Variants in CPHXL observed in about 807,000 individuals in gnomAD.
CPHXL encodes the protein cytoplasmic polyadenylated homeobox like.
chr16:75,718,805 C>T (rs1959431480), intron 1 of CPHXL, among the ~76,000 whole-genome samples: 1 of 152,184 alleles, frequency 6.6e-6, no homozygotes, highest in Admixed American at 6.5e-5. Context: ...CACAGCCTAA[C>T]ATATTTACTA....
At chr16:75,724,632 C>A (rs533248749) in intron 1 of CPHXL, among the ~76,000 whole-genome samples, 2 of 152,292 alleles carry the variant, frequency 1.3e-5, no homozygotes, top group African/African-American at 4.8e-5. Flanking sequence ...ACAACAGGTG[C>A]TGGAGAGGAT....
intron 1 of CPHXL, among the ~76,000 whole-genome samples, chr16:75,725,309 G>A (rs1423457183): frequency 6.6e-6 from 1 of 151,782 alleles, no homozygotes; most frequent in Admixed American, 6.6e-5. Flanking sequence ...CTTTATTTTT[G>A]AGACAGTCTC....
intron 1 of CPHXL, among the ~76,000 whole-genome samples, chr16:75,720,282 G>C (rs889355430): frequency 6.6e-6 from 1 of 152,138 alleles, no homozygotes; most frequent in Non-Finnish European, 1.5e-5. Flanking sequence ...AGAGAAGAAG[G>C]CTTCAGACGA....
chr16:75,723,168 G>A (rs867358874), intron 1 of CPHXL, among the ~76,000 whole-genome samples: 1 of 152,148 alleles, frequency 6.6e-6, no homozygotes, highest in Admixed American at 6.5e-5. Flanking sequence ...AAAACTGGAA[G>A]CATTCCCTTT....
intron 1 of CPHXL, among the ~76,000 whole-genome samples, chr16:75,719,172 G>T (rs558538717): frequency 6.6e-6 from 1 of 152,216 alleles, no homozygotes; most frequent in Non-Finnish European, 1.5e-5. Flanking sequence ...AGCTCCCAGC[G>T]TGAGCAACAC....
At chr16:75,720,362 T>G (rs958638311) in intron 1 of CPHXL, among the ~76,000 whole-genome samples, 25 of 151,672 alleles carry the variant, frequency 1.6e-4, no homozygotes, top group African/African-American at 5.1e-4. Context: ...TGAAAAAAAA[T>G]TAGATGAATG....
chr16:75,715,970 T>G (rs1054937980), intron 2 of CPHXL, among the ~76,000 whole-genome samples: 1 of 152,196 alleles, frequency 6.6e-6, no homozygotes, highest in Non-Finnish European at 1.5e-5. Context: ...AGTGCTGGGA[T>G]TACAGGCATG....
At chr16:75,721,675 T>C (rs1597222100) in intron 1 of CPHXL, among the ~76,000 whole-genome samples, 1 of 152,286 alleles carries the variant, frequency 6.6e-6, no homozygotes, top group East Asian at 1.9e-4. Flanking sequence ...TATCCCACTG[T>C]CAACATTAGA....
intron 1 of CPHXL, among the ~76,000 whole-genome samples, chr16:75,722,017 CGAAAT>C (rs1959485022): frequency 6.6e-6 from 1 of 152,108 alleles, no homozygotes; most frequent in African/African-American, 2.4e-5. Context: ...GGGTACAAAA[CGAAAT>C]GAAGGCAGAA....
At chr16:75,720,444 TA>T (rs1328911538) in intron 1 of CPHXL, among the ~76,000 whole-genome samples, 12 of 152,064 alleles carry the variant, frequency 7.9e-5, no homozygotes, top group Non-Finnish European at 1.3e-4. Flanking sequence ...GCACGAGAAC[TA>T]CATGACGAAT....
intron 1 of CPHXL, among the ~76,000 whole-genome samples, chr16:75,726,038 A>C (rs1959554586): frequency 6.6e-6 from 1 of 151,202 alleles, no homozygotes; most frequent in Non-Finnish European, 1.5e-5. Context: ...AAAATTAATG[A>C]AAATTAATGA....
Position 75,714,809 on chromosome 16 carries a change from G to T in CPHXL, c.633C>A (p.Val211=). 1 of 398,606 alleles carries T rather than the reference G, an allele frequency of 2.5e-6. No homozygotes were observed. Among genetic ancestry groups the T allele is most frequent in the Non-Finnish European group, 4.4e-6 (1 of 226,100 alleles). 24.7% of individuals were successfully genotyped at this position (398,606 alleles called of 1,614,324 possible). The change falls in exon 3 of 3, where the codon GTC becomes GTA. Residue 211 remains valine (V), a synonymous_variant. Transcript: ENST00000640559. ...AGCCTGGATGCTTTTCAGTGCCTGT[G>T]ACCAGATAGGAACTCTGGGAGGCCA... ...QQVASQSSYL[V]TGTEKHPGCA...
chr16:75,715,499 C>G (rs1286623917), intron 2 of CPHXL, among the ~76,000 whole-genome samples: 1 of 152,174 alleles, frequency 6.6e-6, no homozygotes, highest in African/African-American at 2.4e-5. Context: ...TTCCCAGAAT[C>G]TCTCCCCAAC....
chr16:75,717,926 A>T (rs981172972), intron 2 of CPHXL, among the ~76,000 whole-genome samples: 1 of 152,106 alleles, frequency 6.6e-6, no homozygotes, highest in Non-Finnish European at 1.5e-5. Flanking sequence ...ATTGCCCTTT[A>T]ATTTTATATG....
intron 1 of CPHXL, among the ~76,000 whole-genome samples, chr16:75,720,364 A>G (rs1048486556): frequency 4.0e-4 from 61 of 152,294 alleles, no homozygotes; most frequent in South Asian, 1.2e-3. Flanking sequence ...AAAAAAAATT[A>G]GATGAATGGC....
At chr16:75,723,245 G>A (rs1375619910) in intron 1 of CPHXL, among the ~76,000 whole-genome samples, 2 of 152,152 alleles carry the variant, frequency 1.3e-5, no homozygotes, top group Non-Finnish European at 2.9e-5. Flanking sequence ...TGGAAGTTCT[G>A]GCCAGGGCAA....
chr16:75,721,770 A>G (rs996332832), intron 1 of CPHXL, among the ~76,000 whole-genome samples: 1 of 152,176 alleles, frequency 6.6e-6, no homozygotes, highest in African/African-American at 2.4e-5. Context: ...ACATCTACAG[A>G]ACTCTCCACC....
At chr16:75,720,541 G>C (rs573908063) in intron 1 of CPHXL, among the ~76,000 whole-genome samples, 1 of 152,278 alleles carries the variant, frequency 6.6e-6, no homozygotes, top group East Asian at 1.9e-4. Flanking sequence ...AGCAAGAAGA[G>C]AAGTTTAGAG....
rs576962443 is a variant in CPHXL, at chr16:75,719,728, C to T, written c.26-1270G>A. ...CAGAATCATCTTCAGACTTAAATGT[C>T]CCTGTCTGACAGCTTTGAAGAGAGT... On this transcript the variant is annotated intron_variant, in intron 1 of 2. Transcript: ENST00000640559. Among the ~76,000 whole-genome samples, 161 of 152,310 alleles carry T rather than the reference C, an allele frequency of 1.1e-3. 1 individual carries two copies. Among genetic ancestry groups the T allele is most frequent in the African/African-American group, 3.7e-3 (153 of 41,572 alleles).
Sources: allele counts gnomAD v4.1 joint callset (sites outside exome capture counted in the v4.1 genomes callset), GRCh38; gene constraint gnomAD v4.1.1; transcripts MANE v1.5; gene names NCBI Gene and HGNC (gene_info 2026-07-23, HGNC 2026-07-21).